FTO: variants seen among roughly 807,000 people sequenced by gnomAD.
FTO encodes the protein alpha-ketoglutarate-dependent dioxygenase FTO.
In FTO, 47 loss-of-function variants were observed where a neutral mutation model predicts 63.9. The ratio of observed to expected loss-of-function variants is 0.74; its 90% CI spans 0.58 to 0.94. The LOEUF (loss-of-function observed/expected upper bound fraction) is 0.94. Ranked by LOEUF, FTO falls within the 40% of genes least tolerant of loss-of-function variation. FTO has a pLI of 0.00. For missense variants in FTO, 562 were observed against 618.1 expected (o/e 0.91, Z 0.96); for synonymous variants, 207 against 224.4 (o/e 0.92, Z 0.69).
intron 3 of FTO, among the ~76,000 whole-genome samples, chr16:53,828,709 G>A (rs147769620): frequency 5.9e-5 from 9 of 152,250 alleles, no homozygotes; most frequent in African/African-American, 1.9e-4. Flanking sequence ...TTACAGATGA[G>A]GAAACTGAGT....
At chr16:53,929,339 T>C (rs1163853126) in intron 7 of FTO, among the ~76,000 whole-genome samples, 2 of 152,204 alleles carry the variant, frequency 1.3e-5, no homozygotes, top group Non-Finnish European at 2.9e-5. Context: ...CATAATGTCT[T>C]TGAGATGCTG....
chr16:54,088,362 A>G (rs1280254578), intron 8 of FTO, among the ~76,000 whole-genome samples: 1 of 152,198 alleles, frequency 6.6e-6, no homozygotes, highest in Non-Finnish European at 1.5e-5. Context: ...TCCTTCAGTG[A>G]TGGATTTTGC....
intron 1 of FTO, among the ~76,000 whole-genome samples, chr16:53,773,251 C>T (rs1205986894): frequency 6.6e-6 from 1 of 152,076 alleles, no homozygotes; most frequent in African/African-American, 2.4e-5. Flanking sequence ...TTCTTCTACT[C>T]CTGTTTTCCT....
chr16:53,888,951 G>T lies in FTO; in HGVS notation c.1239G>T (p.Val413=). Residue 413 remains valine, a splice_region_variant and synonymous_variant, in exon 7 of 9, where the codon GTG becomes GTT. Coordinates refer to ENST00000471389, the MANE Select transcript of FTO (RefSeq NM_001080432.3). The part of the protein sequence containing the change: ...LEALWKKMEG[V]TNAVLHEVKR... ...CACTGTGGAAGAAGATGGAGGGTGTGGTAAGTCCATCAGACCTGGGACCGT... is the reference window on the plus strand; with the variant it reads ...CACTGTGGAAGAAGATGGAGGGTGTTGTAAGTCCATCAGACCTGGGACCGT... 6.2e-7 allele frequency: 1 copy of T among 1,613,956 alleles called. No homozygotes were observed. Among genetic ancestry groups the T allele is most frequent in the Non-Finnish European group, 8.5e-7 (1 of 1,179,872 alleles).
chr16:53,898,300 T>C (rs542828115), intron 7 of FTO, among the ~76,000 whole-genome samples: 168 of 152,272 alleles, frequency 1.1e-3, no homozygotes, highest in Non-Finnish European at 1.6e-3. Context: ...GCTGCCTTTG[T>C]CTGGAATGTC....
At chr16:53,974,612 A>G (rs1307519690) in intron 8 of FTO, among the ~76,000 whole-genome samples, 1 of 151,762 alleles carries the variant, frequency 6.6e-6, no homozygotes, top group South Asian at 2.1e-4. Flanking sequence ...GCAATAGCAT[A>G]TAACGAAATG....
intron 4 of FTO, among the ~76,000 whole-genome samples, chr16:53,844,751 C>T (rs954888372): frequency 2.8e-5 from 4 of 141,268 alleles, no homozygotes; most frequent in African/African-American, 1.0e-4. Flanking sequence ...CCATGCCCGG[C>T]CCAATTAAAA....
In FTO at chr16:53,851,604, G is replaced by A. The variant is rs536828501; in HGVS notation, c.895+7306G>A. ...CCCATCTGGTCCTTTGTAAGTGTTA[G>A]CGTAAAGATAGTTATGTTGACATAT... On this transcript the variant is annotated intron_variant, in intron 4 of 8. Transcript: ENST00000471389. 9.2e-5 allele frequency among the ~76,000 whole-genome samples: 14 copies of A among 152,212 alleles called. 1 individual carries two copies. Among genetic ancestry groups the A allele is most frequent in the African/African-American group, 3.4e-4 (14 of 41,530 alleles).
intron 8 of FTO, among the ~76,000 whole-genome samples, chr16:53,955,476 G>A (rs1186433406): frequency 6.6e-6 from 1 of 152,144 alleles, no homozygotes; most frequent in African/African-American, 2.4e-5. Context: ...GGGAAGAGAA[G>A]GAACCAGTCA....
chr16:54,076,398 A>G (rs1468622607), intron 8 of FTO, among the ~76,000 whole-genome samples: 2 of 152,170 alleles, frequency 1.3e-5, no homozygotes, highest in Non-Finnish European at 2.9e-5. Context: ...CTAGAAACAT[A>G]TAATAGCTAT....
chr16:54,055,211 C>G (rs1167285400), intron 8 of FTO, among the ~76,000 whole-genome samples: 4 of 152,164 alleles, frequency 2.6e-5, no homozygotes, highest in Admixed American at 1.3e-4. Flanking sequence ...CAGTCTTGCT[C>G]TGTTTGGAGT....
chr16:53,747,441 A>G (rs114128852), intron 1 of FTO, among the ~76,000 whole-genome samples: 3,580 of 152,170 alleles, frequency 0.024, 58 homozygotes, highest in Middle Eastern at 0.088. Context: ...AATGATTAGT[A>G]ATGTTGAGCA....
At chr16:53,752,921 T>C (rs75394652) in intron 1 of FTO, among the ~76,000 whole-genome samples, 1 of 139,400 alleles carries the variant, frequency 7.2e-6, no homozygotes, top group East Asian at 2.1e-4. Flanking sequence ...TATGACTGCC[T>C]TTTTTTTTTT....
chr16:53,949,385 G>A (rs2082719474), intron 8 of FTO, among the ~76,000 whole-genome samples: 1 of 152,198 alleles, frequency 6.6e-6, no homozygotes, highest in South Asian at 2.1e-4. Context: ...CTGGAGAAGA[G>A]GAAAATGTAA....
chr16:53,903,065 G>A (rs542631841), intron 7 of FTO, among the ~76,000 whole-genome samples: 1 of 152,238 alleles, frequency 6.6e-6, no homozygotes, highest in East Asian at 1.9e-4. Flanking sequence ...AGCTGTGGTA[G>A]CACCACTGTG....
At chr16:54,081,454 G>A (rs2086138945) in intron 8 of FTO, among the ~76,000 whole-genome samples, 1 of 152,114 alleles carries the variant, frequency 6.6e-6, no homozygotes, top group Non-Finnish European at 1.5e-5. Context: ...ACCCAATCAG[G>A]ACACATTCTT....
intron 1 of FTO, among the ~76,000 whole-genome samples, chr16:53,762,115 A>G (rs981629789): frequency 6.6e-6 from 1 of 152,170 alleles, no homozygotes; most frequent in African/African-American, 2.4e-5. Flanking sequence ...TGAGGTTGGG[A>G]AATCTGGAAC....
At chr16:54,019,550 C>T (rs541042107) in intron 8 of FTO, among the ~76,000 whole-genome samples, 2 of 152,320 alleles carry the variant, frequency 1.3e-5, no homozygotes, top group East Asian at 1.9e-4. Context: ...TAGTGATCAT[C>T]CTCCACAATT....
intron 8 of FTO, chr16:53,998,476 G>C (rs1259907224): frequency 1.3e-5 from 2 of 152,196 alleles, no homozygotes; most frequent in African/African-American, 4.8e-5. Flanking sequence ...AGTGAATCTA[G>C]GTATCCCTCA....
Sources: gnomAD v4.1 joint callset for allele counts (sites outside exome capture counted in the v4.1 genomes callset) on GRCh38, gnomAD v4.1.1 for gene constraint, MANE v1.5 for transcripts, NCBI Gene and HGNC (gene_info 2026-07-23, HGNC 2026-07-21) for gene names.